Variants in CDH15 observed in about 807,000 individuals in gnomAD.
The protein encoded by CDH15 is cadherin 15.
A neutral mutation model predicts 69.4 loss-of-function variants in CDH15; 73 were observed. The observed-to-expected ratio is 1.05, with a 90% CI of 0.87 to 1.28. The LOEUF (loss-of-function observed/expected upper bound fraction) is 1.28. Ranked by LOEUF, CDH15 falls within the 50% of genes most tolerant of loss-of-function variation. CDH15 has a pLI of 0.00. For synonymous variants in CDH15, 624 were observed against 507.7 expected (o/e 1.23, Z -3.08); for missense variants, 1,343 against 1,133.6 (o/e 1.18, Z -2.65).
Position 89,187,564 on chromosome 16 carries a change from C to A in CDH15, c.792+7C>A, listed in dbSNP as rs188390871. 3 of 1,613,252 alleles carry A rather than the reference C, an allele frequency of 1.9e-6. No individual in the cohort carries two copies. In the African/African-American group the frequency reaches 4.0e-5, roughly 22 times the overall value. ...CGAGTTCACCAGGGATGAGGTGCTGCTGCTGTCCCTCCCTCGAAAGTAGCC... is the reference window on the plus strand; with the variant it reads ...CGAGTTCACCAGGGATGAGGTGCTGATGCTGTCCCTCCCTCGAAAGTAGCC... On this transcript the variant is annotated splice_region_variant and intron_variant, in intron 6 of 13. Coordinates refer to ENST00000289746, the MANE Select transcript of CDH15 (RefSeq NM_004933.3).
intron 1 of CDH15, among the ~76,000 whole-genome samples, chr16:89,173,962 G>T (rs1915207895): frequency 6.6e-6 from 1 of 152,222 alleles, no homozygotes. Context: ...TCTGCATCTG[G>T]GTTTTGGGAG....
intron 1 of CDH15, among the ~76,000 whole-genome samples, chr16:89,178,940 G>A (rs74033424): frequency 0.022 from 3,378 of 152,228 alleles, 110 homozygotes; most frequent in African/African-American, 0.077. Flanking sequence ...AGGACCCCAC[G>A]CTCTCCCCAG....
chr16:89,193,401 C>A, intron 11 of CDH15, 69 bp from the exon 12 acceptor site: 1 of 1,310,992 alleles, frequency 7.6e-7, no homozygotes, highest in Non-Finnish European at 1.1e-6. Flanking sequence ...CCTCCCACCT[C>A]CTTCGCAGCC....
At chr16:89,179,065 A>T (rs1915317523) in intron 1 of CDH15, among the ~76,000 whole-genome samples, 1 of 152,174 alleles carries the variant, frequency 6.6e-6, no homozygotes, top group African/African-American at 2.4e-5. Flanking sequence ...CTGGAACCCT[A>T]GCGCTACCTC....
At chr16:89,194,524 C>T (rs1915748526) in intron 13 of CDH15, among the ~76,000 whole-genome samples, 1 of 152,142 alleles carries the variant, frequency 6.6e-6, no homozygotes, top group Non-Finnish European at 1.5e-5. Flanking sequence ...CCAGGAGGCT[C>T]GGGTTCTGCC....
At chr16:89,189,926 C>T (rs911150297) in intron 7 of CDH15, among the ~76,000 whole-genome samples, 3 of 152,202 alleles carry the variant, frequency 2.0e-5, no homozygotes, top group Non-Finnish European at 4.4e-5. Context: ...CCCACATCAC[C>T]CAGGACGATC....
intron 5 of CDH15, among the ~76,000 whole-genome samples, chr16:89,187,207 G>C (rs1214405584): frequency 6.6e-6 from 1 of 152,276 alleles, no homozygotes; most frequent in African/African-American, 2.4e-5. Context: ...TGCACAGTAG[G>C]TGTTCTGTAA....
intron 7 of CDH15, among the ~76,000 whole-genome samples, chr16:89,189,150 T>C (rs1336989208): frequency 4.0e-4 from 52 of 130,342 alleles, no homozygotes; most frequent in African/African-American, 1.5e-3. Context: ...CACACACAGA[T>C]GCCCACACAC....
chr16:89,186,546 C>T (rs1321203380), intron 5 of CDH15, among the ~76,000 whole-genome samples: 2 of 131,918 alleles, frequency 1.5e-5, no homozygotes, highest in African/African-American at 5.9e-5. Context: ...AACGCTTACC[C>T]AGCGCACAGT....
intron 6 of CDH15, among the ~76,000 whole-genome samples, chr16:89,187,795 C>G (rs1217877515): frequency 6.6e-6 from 1 of 152,168 alleles, no homozygotes; most frequent in Non-Finnish European, 1.5e-5. Flanking sequence ...GCCCATGGGA[C>G]CCTCTGAGGC....
intron 3 of CDH15, among the ~76,000 whole-genome samples, chr16:89,181,550 G>A (rs760705422): frequency 6.6e-6 from 1 of 152,198 alleles, no homozygotes; most frequent in Non-Finnish European, 1.5e-5. Context: ...GGCTGAGGTG[G>A]GAGGATCCCC....
chr16:89,191,514 G>C (rs1437132377), intron 9 of CDH15, 42 bp downstream of exon 9: 2 of 1,607,160 alleles, frequency 1.2e-6, no homozygotes, highest in Non-Finnish European at 1.7e-6. Context: ...ACCTGGCCTT[G>C]TCCCGGCTGA....
intron 4 of CDH15, 43 bp from the exon 5 acceptor site, chr16:89,185,130 G>A (rs780338238): frequency 7.7e-6 from 12 of 1,550,794 alleles, no homozygotes; most frequent in African/African-American, 4.1e-5. Flanking sequence ...CCAGCCCATC[G>A]GCCCTGTGGA....
In CDH15 at chr16:89,180,257, G is replaced by A. The variant is rs550805542; in HGVS notation, c.259G>A (p.Val87Met). The A allele has an allele frequency of 2.5e-5, 40 of 1,610,334 alleles. 1 individual carries two copies. The highest frequency in any genetic ancestry group is 7.7e-5 in the South Asian group (7 of 90,408). Reference protein sequence around the residue: ...SVIYSIQGPGVDEEPRGVFSI... With the variant: ...SVIYSIQGPGMDEEPRGVFSI... ...CATCTACAGCATCCAGGGACCCGGCGTGGATGAGGAGCCCCGGGGCGTCTT... is the reference window on the plus strand; with the variant it reads ...CATCTACAGCATCCAGGGACCCGGCATGGATGAGGAGCCCCGGGGCGTCTT... The change falls in exon 3 of 14, where the codon GTG becomes ATG. Residue 87 changes from valine to methionine, a missense_variant. Physicochemically the swap from Val to Met is conservative, Grantham distance 21 (BLOSUM62 1). Transcript: ENST00000289746.
At chr16:89,179,389 T>C (rs1451906767) in intron 1 of CDH15, 27 bp from the exon 2 acceptor site, 1 of 1,613,000 alleles carries the variant, frequency 6.2e-7, no homozygotes, top group Non-Finnish European at 8.5e-7. Flanking sequence ...GAGACGGTAC[T>C]GTGGGACGCA....
At position 89,193,796 on chromosome 16, in the gene CDH15, G is replaced by A. The variant is rs1915716165; in HGVS notation, c.2034G>A (p.Leu678=). 14 of 1,606,880 alleles carry A rather than the reference G, an allele frequency of 8.7e-6. No individual in the cohort carries two copies. Among genetic ancestry groups the A allele is most frequent in the African/African-American group, 1.3e-5 (1 of 74,886 alleles). ...DISQLRHPTA[L]SLPLGPPPLR... is the part of the protein sequence containing the mutation. ...GCCAGCTGCGTCACCCGACAGCGCTGAGCCTGCCTCTGGGACCGCCGCCAC... is the reference window on the plus strand; with the variant it reads ...GCCAGCTGCGTCACCCGACAGCGCTAAGCCTGCCTCTGGGACCGCCGCCAC... The change falls in exon 13 of 14, where the codon CTG becomes CTA. Residue 678 remains leucine (L), a synonymous_variant. Coordinates refer to ENST00000289746, the MANE Select transcript of CDH15 (RefSeq NM_004933.3).
chr16:89,191,611 G>A (rs546079142), intron 9 of CDH15, 44 bp from the exon 10 acceptor site: 1 of 1,569,372 alleles, frequency 6.4e-7, no homozygotes. Context: ...GGTGGGGCAG[G>A]CTGGGGTGTT....
At chr16:89,179,096 C>T (rs1479824557) in intron 1 of CDH15, among the ~76,000 whole-genome samples, 1 of 152,226 alleles carries the variant, frequency 6.6e-6, no homozygotes, top group African/African-American at 2.4e-5. Context: ...ATGCACTCGC[C>T]AGGGGCTGCA....
At position 89,195,146 on chromosome 16, in the gene CDH15, G is replaced by A. The variant is rs370773746; in HGVS notation, c.2436G>A (p.Arg812=). The change falls in exon 14 of 14, where the codon CGG becomes CGA. Residue 812 remains arginine, a synonymous_variant. Transcript: ENST00000289746. ...PGALLPRHRG[R]TA is the part of the protein sequence containing the mutation. ...CACTGCTACCCAGACACAGAGGCCG[G>A]ACAGCCTGACCCTGGGGCGCAACTG... is the stretch of plus-strand genomic sequence containing the variant. 6.9e-5 allele frequency: 109 copies of A among 1,591,000 alleles called. No homozygotes were observed. The highest frequency in any genetic ancestry group is 9.1e-5 in the Non-Finnish European group (106 of 1,168,778).
Sources: gnomAD v4.1 joint callset for allele counts (sites outside exome capture counted in the v4.1 genomes callset) on GRCh38, gnomAD v4.1.1 for gene constraint, MANE v1.5 for transcripts, NCBI Gene and HGNC (gene_info 2026-07-23, HGNC 2026-07-21) for gene names.